SEZ6L: variants seen among roughly 807,000 people sequenced by gnomAD.
SEZ6L encodes the protein seizure 6-like protein.
A neutral mutation model predicts 106.2 loss-of-function variants in SEZ6L; 37 were observed. The ratio of observed to expected loss-of-function variants is 0.35; its 90% confidence interval spans 0.27 to 0.46. The LOEUF is 0.46. Ranked by LOEUF, SEZ6L falls within the 20% of genes least tolerant of loss-of-function variation. The pLI is 1.00. For missense variants in SEZ6L, 1,172 were observed against 1,332.8 expected (o/e 0.88, Z 1.88); for synonymous variants, 541 against 570.4 (o/e 0.95, Z 0.73).
intron 12 of SEZ6L, among the ~76,000 whole-genome samples, chr22:26,362,012 C>T (rs2083651281): frequency 9.0e-6 from 1 of 111,478 alleles, no homozygotes; most frequent in South Asian, 3.8e-4. Context: ...TAAAGTAATG[C>T]AGACCCACCC....
rs775641114 is a variant in SEZ6L at position 26,297,061 on chromosome 22, C to T, written c.1143C>T (p.Thr381=). The T allele has an allele frequency of 6.2e-7, 1 of 1,612,916 alleles. No individual in the cohort carries two copies. The change falls in exon 4 of 17, where the codon ACC becomes ACT. Residue 381 remains threonine (T), a synonymous_variant. Coordinates refer to ENST00000248933, the MANE Select transcript of SEZ6L (RefSeq NM_021115.5). The part of the protein sequence containing the change: ...FRTFQDDGLG[T]FQLHYQAFML... ...CCTTCCAGGACGACGGCCTTGGGAC[C>T]TTCCAGCTTCACTACCAGGGTAGGG...
At chr22:26,284,573 G>C (rs1263230077) in intron 1 of SEZ6L, among the ~76,000 whole-genome samples, 1 of 124,842 alleles carries the variant, frequency 8.0e-6, no homozygotes, top group Admixed American at 1.1e-4. Flanking sequence ...TTGCACCGCT[G>C]CACTCCAGCC....
intron 9 of SEZ6L, among the ~76,000 whole-genome samples, chr22:26,317,007 C>G (rs770289799): frequency 6.6e-6 from 1 of 151,832 alleles, no homozygotes; most frequent in Non-Finnish European, 1.5e-5. Context: ...AATGTCCTAC[C>G]TACATGATGA....
chr22:26,232,173 T>A (rs1036022996), intron 1 of SEZ6L, among the ~76,000 whole-genome samples: 1 of 152,150 alleles, frequency 6.6e-6, no homozygotes, highest in Admixed American at 6.5e-5. Flanking sequence ...GAGCACTCAT[T>A]CAATCAGAAT....
At chr22:26,201,788 A>G (rs1940976846) in intron 1 of SEZ6L, among the ~76,000 whole-genome samples, 1 of 152,072 alleles carries the variant, frequency 6.6e-6, no homozygotes, top group East Asian at 1.9e-4. Flanking sequence ...ATAAGCTAAT[A>G]CCTCCAAAAA....
chr22:26,215,124 A>G (rs1043531847), intron 1 of SEZ6L, among the ~76,000 whole-genome samples: 1 of 152,252 alleles, frequency 6.6e-6, no homozygotes, highest in African/African-American at 2.4e-5. Context: ...GCGAAGACCG[A>G]ATTACATGTA....
rs35822818 is a variant in SEZ6L at position 26,294,933 on chromosome 22, C to CTCTTTCTT, written c.969+529_969+536dup. 9.9e-4 allele frequency among the ~76,000 whole-genome samples: 73 copies of CTCTTTCTT among 73,838 alleles called. 2 individuals are homozygous for CTCTTTCTT. Among genetic ancestry groups the CTCTTTCTT allele is most frequent in the Admixed American group, 5.3e-3 (44 of 8,310 alleles). The allele number at this position is 73,838 out of a possible 152,430, so 48.4% of individuals were successfully genotyped here. ...CCTGCTTTCTTGCTTCTTTCTCTTTCTCTTTCTTTCTTTCTTTCTTTCTTT... is the reference window on the plus strand; with the variant it reads ...CCTGCTTTCTTGCTTCTTTCTCTTTCTCTTTCTTTCTTTCTTTCTTTCTTTCTTTCTTT... On this transcript the variant is annotated intron_variant, in intron 3 of 16. Coordinates refer to ENST00000248933, the MANE Select transcript of SEZ6L (RefSeq NM_021115.5).
intron 1 of SEZ6L, among the ~76,000 whole-genome samples, chr22:26,282,529 A>C (rs1366564382): frequency 6.6e-6 from 1 of 152,168 alleles, no homozygotes; most frequent in Non-Finnish European, 1.5e-5. Flanking sequence ...ACTCTGGTTG[A>C]TGTGGAGCAT....
Position 26,292,518 on chromosome 22 carries a change from G to A in SEZ6L, c.207G>A (p.Ala69=), listed in dbSNP as rs145637105. Reference sequence around the variant, plus strand: ...ACCCTGAAGAGAGAGTGGTAACAGCGCCCCCCAGTTCCTCACAGTCGGCGG... The same window carrying A: ...ACCCTGAAGAGAGAGTGGTAACAGCACCCCCCAGTTCCTCACAGTCGGCGG... The part of the protein sequence containing the change: ...KEHPEERVVT[A]PPSSSQSAEV... The change falls in exon 2 of 17, where the codon GCG becomes GCA. Residue 69 remains alanine, a synonymous_variant. Transcript: ENST00000248933. 49 of 1,613,828 alleles carry A rather than the reference G, an allele frequency of 3.0e-5. No individual in the cohort carries two copies. The African/African-American group carries it at 5.6e-4, about 18-fold the overall frequency.
At chr22:26,377,575 G>A (rs2084270578) in intron 15 of SEZ6L, 98 bp from the exon 16 acceptor site, 9 of 941,158 alleles carry the variant, frequency 9.6e-6, no homozygotes, top group Non-Finnish European at 1.5e-5. Context: ...TCACAGAGGT[G>A]CCGCTGCTCA....
At chr22:26,202,715 G>T (rs56691462) in intron 1 of SEZ6L, among the ~76,000 whole-genome samples, 1 of 152,152 alleles carries the variant, frequency 6.6e-6, no homozygotes, top group East Asian at 1.9e-4. Context: ...GGAAGGGCAG[G>T]TCTGCTATTC....
chr22:26,221,322 C>T (rs1177466125), intron 1 of SEZ6L, among the ~76,000 whole-genome samples: 1 of 152,052 alleles, frequency 6.6e-6, no homozygotes, highest in African/African-American at 2.4e-5. Context: ...ATCTTGGTTG[C>T]ACACTCTTAC....
chr22:26,292,299 G>A (rs1420792190), intron 1 of SEZ6L, 107 bp from the exon 2 acceptor site: 21 of 812,822 alleles, frequency 2.6e-5, no homozygotes, highest in East Asian at 1.1e-4. Context: ...GAGGCCAGCC[G>A]GACGAGCTTT....
chr22:26,257,981 G>T (rs1001806469), intron 1 of SEZ6L, among the ~76,000 whole-genome samples: 1 of 152,062 alleles, frequency 6.6e-6, no homozygotes. Context: ...ACTCTGGCCC[G>T]CTTTATCTGC....
At chr22:26,364,570 T>C (rs1369452274) in intron 12 of SEZ6L, among the ~76,000 whole-genome samples, 2 of 151,862 alleles carry the variant, frequency 1.3e-5, no homozygotes, top group Non-Finnish European at 2.9e-5. Flanking sequence ...CCAGCCTGGG[T>C]GTCTTAGGCT....
chr22:26,232,401 G>C, intron 1 of SEZ6L, among the ~76,000 whole-genome samples: 1 of 138,010 alleles, frequency 7.2e-6, no homozygotes, highest in Non-Finnish European at 1.6e-5. Flanking sequence ...CACACTAAGA[G>C]CCCAAACTCT....
intron 1 of SEZ6L, among the ~76,000 whole-genome samples, chr22:26,214,786 A>C (rs2078253190): frequency 6.6e-6 from 1 of 152,172 alleles, no homozygotes; most frequent in Non-Finnish European, 1.5e-5. Context: ...AAAGTAGAAA[A>C]CACAGAATTA....
intron 1 of SEZ6L, among the ~76,000 whole-genome samples, chr22:26,283,496 GA>G (rs2080839160): frequency 6.6e-6 from 1 of 152,144 alleles, no homozygotes; most frequent in Non-Finnish European, 1.5e-5. Context: ...ATACAGCAGT[GA>G]AAAATGAATC....
chr22:26,324,085 C>CACACACACACACACAA (rs2082234145), intron 9 of SEZ6L, among the ~76,000 whole-genome samples: 1 of 151,220 alleles, frequency 6.6e-6, no homozygotes, highest in African/African-American at 2.4e-5. Flanking sequence ...CACACACACA[C>CACACACACACACACAA]ACACACACAC....
Sources: gnomAD v4.1 joint callset for allele counts (sites outside exome capture counted in the v4.1 genomes callset) on GRCh38, gnomAD v4.1.1 for gene constraint, MANE v1.5 for transcripts, NCBI Gene and HGNC (gene_info 2026-07-23, HGNC 2026-07-21) for gene names.